The following PLD5 variants were observed in gnomAD, a reference collection of about 807,000 sequenced individuals.
PLD5 encodes the protein inactive phospholipase D5.
Under a neutral mutation model 61.1 loss-of-function variants are expected in PLD5, and 36 were observed. The ratio of observed to expected loss-of-function variants is 0.59; its 90% CI spans 0.45 to 0.78. The LOEUF (loss-of-function observed/expected upper bound fraction) is 0.78, where lower values mean the gene tolerates loss of function less well. Among genes scored for constraint, PLD5 ranks in the 30% least tolerant of loss-of-function variants. The pLI is 0.00. For synonymous variants in PLD5, 243 were observed against 242.8 expected (o/e 1.00, Z -0.01); for missense variants, 515 against 644.4 (o/e 0.80, Z 2.17).
chr1:242,168,845 A>ATTTTTTTTTTTTTTTTTTTTT, intron 5 of PLD5, among the ~76,000 whole-genome samples: 1 of 29,252 alleles, frequency 3.4e-5, no homozygotes, highest in African/African-American at 1.8e-4. Context: ...TAATTAATGA[A>ATTTTTTTTTTTTTTTTTTTTT]GTTTTTTTTT....
chr1:242,393,048 G>A (rs1286898512), intron 1 of PLD5, among the ~76,000 whole-genome samples: 3 of 150,466 alleles, frequency 2.0e-5, no homozygotes, highest in African/African-American at 7.3e-5. Context: ...TACTAAAAAT[G>A]CAAAAATTAG....
chr1:242,164,662 G>T (rs1158975614), intron 5 of PLD5, among the ~76,000 whole-genome samples: 2 of 152,198 alleles, frequency 1.3e-5, no homozygotes, highest in African/African-American at 2.4e-5. Flanking sequence ...GGTGTGGACA[G>T]AAAGGCTCCT....
At chr1:242,096,105 C>A (rs1660202705) in intron 9 of PLD5, among the ~76,000 whole-genome samples, 1 of 150,604 alleles carries the variant, frequency 6.6e-6, no homozygotes, top group African/African-American at 2.4e-5. Context: ...AATACAGGTG[C>A]CCGCCACCAC....
chr1:242,358,347 T>C lies in PLD5; in HGVS notation c.190-10105A>G, dbSNP rs577960311. 3.3e-5 allele frequency among the ~76,000 whole-genome samples: 5 copies of C among 151,838 alleles called. No homozygotes were observed. The East Asian group carries it at 9.6e-4, about 29-fold the overall frequency. On this transcript the variant is annotated intron_variant, in intron 1 of 9. Transcript: ENST00000536534. Reference sequence around the variant, plus strand: ...TTCCTGCATTGCTGTTTATGCATTTTCAGAGAAAGCCACCTTTTCTGGCAT... The same window carrying C: ...TTCCTGCATTGCTGTTTATGCATTTCCAGAGAAAGCCACCTTTTCTGGCAT...
intron 8 of PLD5, among the ~76,000 whole-genome samples, chr1:242,105,817 TAGAG>T (rs60774620): frequency 3.3e-5 from 5 of 151,896 alleles, no homozygotes; most frequent in South Asian, 2.1e-4. Flanking sequence ...ACTCTATCAT[TAGAG>T]AGAGAGAAGT....
chr1:242,205,061 A>G (rs1669238252), intron 5 of PLD5, among the ~76,000 whole-genome samples: 2 of 152,202 alleles, frequency 1.3e-5, no homozygotes, highest in Non-Finnish European at 2.9e-5. Flanking sequence ...TATCTATGAA[A>G]AAAGCTGTGA....
chr1:242,418,397 CA>C (rs2149295702), intron 1 of PLD5, among the ~76,000 whole-genome samples: 1 of 152,258 alleles, frequency 6.6e-6, no homozygotes, highest in East Asian at 1.9e-4. Flanking sequence ...GTCTGAAGCT[CA>C]GGGGCAAGGT....
chr1:242,308,850 C>T (rs1311626336), intron 2 of PLD5, among the ~76,000 whole-genome samples: 1 of 152,132 alleles, frequency 6.6e-6, no homozygotes, highest in Non-Finnish European at 1.5e-5. Context: ...CTCATTCTCG[C>T]TTGCTTAACC....
At chr1:242,420,390 C>T (rs1665073195) in intron 1 of PLD5, among the ~76,000 whole-genome samples, 1 of 152,058 alleles carries the variant, frequency 6.6e-6, no homozygotes, top group Admixed American at 6.6e-5. Context: ...ATTCTTACAG[C>T]CCCAAACTCT....
intron 1 of PLD5, among the ~76,000 whole-genome samples, chr1:242,485,296 C>T (rs189695903): frequency 1.1e-3 from 163 of 151,284 alleles, no homozygotes; most frequent in African/African-American, 3.2e-3. Flanking sequence ...ACATGATTGC[C>T]GATGACTTCT....
Position 242,284,771 on chromosome 1 carries a change from A to G in PLD5, c.495+3591T>C, listed in dbSNP as rs1195565106. ...ACCCTCCGAACATCATTGCTTCCCC[A>G]CAGGACATGGCCAGGGACAGACAGG... On this transcript the variant is annotated intron_variant, in intron 3 of 9. Coordinates refer to ENST00000536534, the MANE Select transcript of PLD5 (RefSeq NM_001372062.1). 8.5e-5 allele frequency among the ~76,000 whole-genome samples: 13 copies of G among 152,320 alleles called. No homozygotes were observed. The East Asian group carries it at 2.5e-3, about 29-fold the overall frequency.
chr1:242,309,388 CTTT>C (rs368753685), intron 2 of PLD5, among the ~76,000 whole-genome samples: 32 of 138,068 alleles, frequency 2.3e-4, no homozygotes, highest in Admixed American at 4.4e-4. Context: ...GTTTTCTTTT[CTTT>C]TTTTTTTTTT....
chr1:242,228,661 G>A (rs1221351540), intron 4 of PLD5, among the ~76,000 whole-genome samples: 1 of 151,566 alleles, frequency 6.6e-6, no homozygotes. Context: ...AGGGAGGGAA[G>A]GAGGGAGAGG....
At chr1:242,191,018 T>C (rs1482141442) in intron 5 of PLD5, among the ~76,000 whole-genome samples, 4 of 151,996 alleles carry the variant, frequency 2.6e-5, no homozygotes, top group Non-Finnish European at 5.9e-5. Context: ...GTATAGAATG[T>C]ACCAGCAATA....
At chr1:242,460,976 C>T (rs757150363) in intron 1 of PLD5, among the ~76,000 whole-genome samples, 19 of 152,028 alleles carry the variant, frequency 1.2e-4, no homozygotes, top group Non-Finnish European at 1.9e-4. Flanking sequence ...CCCATCTCTA[C>T]TAAAAATACA....
intron 6 of PLD5, among the ~76,000 whole-genome samples, chr1:242,118,196 G>T (rs1345535211): frequency 6.6e-6 from 1 of 152,198 alleles, no homozygotes; most frequent in African/African-American, 2.4e-5. Flanking sequence ...GGGCATCTTG[G>T]TGTGTCCCTT....
chr1:242,337,941 T>C (rs991691637), intron 2 of PLD5, among the ~76,000 whole-genome samples: 6 of 152,162 alleles, frequency 3.9e-5, no homozygotes, highest in Non-Finnish European at 7.4e-5. Flanking sequence ...GAATCTTTTA[T>C]TGCTTGCTAC....
intron 4 of PLD5, among the ~76,000 whole-genome samples, chr1:242,257,923 T>G (rs1279156215): frequency 6.6e-6 from 1 of 152,190 alleles, no homozygotes; most frequent in East Asian, 1.9e-4. Context: ...CGTTTACCAC[T>G]GCGTGTTTGC....
At chr1:242,431,497 C>T (rs1008461397) in intron 1 of PLD5, among the ~76,000 whole-genome samples, 6 of 152,194 alleles carry the variant, frequency 3.9e-5, no homozygotes, top group East Asian at 1.9e-4. Context: ...GCCTCTCAAA[C>T]GATAAAATAT....
Sources: allele counts gnomAD v4.1 joint callset (sites outside exome capture counted in the v4.1 genomes callset), GRCh38; gene constraint gnomAD v4.1.1; transcripts MANE v1.5; gene names NCBI Gene and HGNC (gene_info 2026-07-23, HGNC 2026-07-21).